The following AK5 variants were observed in gnomAD, a reference collection of about 807,000 sequenced individuals.
The protein encoded by AK5 is adenylate kinase 5, also known as adenylate kinase isoenzyme 5.
A neutral mutation model predicts 69.5 loss-of-function variants in AK5; 27 were observed. The observed-to-expected ratio is 0.39, with a 90% CI of 0.29 to 0.54. The LOEUF is 0.54. AK5 is among the 20% of genes least tolerant of loss of function. The pLI is 0.71. For missense variants in AK5, 531 were observed against 700.4 expected (o/e 0.76, Z 2.73); for synonymous variants, 260 against 244.4 (o/e 1.06, Z -0.60).
chr1:77,490,934 G>T (rs1374803352), intron 10 of AK5, among the ~76,000 whole-genome samples: 3 of 152,068 alleles, frequency 2.0e-5, no homozygotes, highest in Non-Finnish European at 2.9e-5. Context: ...AGCTTGGGTA[G>T]AAGTGCTCCA....
intron 6 of AK5, among the ~76,000 whole-genome samples, chr1:77,385,843 A>G (rs1286454533): frequency 6.6e-6 from 1 of 152,220 alleles, no homozygotes; most frequent in Non-Finnish European, 1.5e-5. Flanking sequence ...GATCACAACC[A>G]TAGGAGGTGA....
At chr1:77,453,030 T>C (rs1018992637) in intron 8 of AK5, among the ~76,000 whole-genome samples, 2 of 152,202 alleles carry the variant, frequency 1.3e-5, no homozygotes, top group Non-Finnish European at 2.9e-5. Context: ...ATAACAAACA[T>C]CATTTATCCA....
At chr1:77,483,949 G>T (rs1403344786) in intron 9 of AK5, among the ~76,000 whole-genome samples, 1 of 152,108 alleles carries the variant, frequency 6.6e-6, no homozygotes, top group Admixed American at 6.5e-5. Context: ...CGGATCACTT[G>T]AGGTCAGGAA....
At chr1:77,299,264 A>G (rs1659198015) in intron 5 of AK5, among the ~76,000 whole-genome samples, 1 of 127,094 alleles carries the variant, frequency 7.9e-6, no homozygotes. Context: ...GGCCATGTGT[A>G]TTTCTTCCTT....
At chr1:77,486,728 A>G (rs1655627824) in intron 10 of AK5, among the ~76,000 whole-genome samples, 1 of 151,786 alleles carries the variant, frequency 6.6e-6, no homozygotes, top group South Asian at 2.1e-4. Context: ...GTAGTGAAAG[A>G]GACTATTTAT....
intron 5 of AK5, among the ~76,000 whole-genome samples, chr1:77,317,347 G>A (rs373981737): frequency 1.6e-4 from 24 of 152,164 alleles, no homozygotes; most frequent in East Asian, 1.5e-3. Flanking sequence ...ATACAGTGTC[G>A]CTTCTATCAC....
chr1:77,445,548 G>T (rs1652695170), intron 8 of AK5, among the ~76,000 whole-genome samples: 2 of 152,020 alleles, frequency 1.3e-5, no homozygotes, highest in Non-Finnish European at 2.9e-5. Flanking sequence ...CTGACATATG[G>T]TTTGCAAATA....
At chr1:77,364,196 T>C (rs1449792961) in intron 6 of AK5, among the ~76,000 whole-genome samples, 1 of 152,190 alleles carries the variant, frequency 6.6e-6, no homozygotes, top group East Asian at 1.9e-4. Flanking sequence ...TAGAAATGTA[T>C]GGAATTAAAG....
rs545568698 is a variant in AK5, at chr1:77,284,173, T to C, written c.60+1800T>C. On this transcript the variant is annotated intron_variant, in intron 1 of 13. Coordinates refer to ENST00000354567, the MANE Select transcript of AK5 (RefSeq NM_174858.3). The stretch of plus-strand genomic sequence containing the variant: ...CTTGTGGACAATGAGAAGATGGAAG[T>C]AGACTGCTGGTGACCTCAAAGGCTA... Among the ~76,000 whole-genome samples the C allele has an allele frequency of 2.0e-5, 3 of 152,322 alleles. No individual in the cohort carries two copies. The South Asian group carries it at 6.2e-4, about 32-fold the overall frequency.
At chr1:77,429,470 T>C (rs1047780937) in intron 8 of AK5, among the ~76,000 whole-genome samples, 1 of 152,228 alleles carries the variant, frequency 6.6e-6, no homozygotes, top group Non-Finnish European at 1.5e-5. Flanking sequence ...GTAAATTCAA[T>C]GTGCCAGACT....
At chr1:77,434,509 TG>T (rs1489308830) in intron 8 of AK5, among the ~76,000 whole-genome samples, 5 of 152,176 alleles carry the variant, frequency 3.3e-5, no homozygotes, top group African/African-American at 1.2e-4. Context: ...TTTCAAAAAC[TG>T]TCAAGAGGCT....
At chr1:77,433,114 C>T (rs1477939187) in intron 8 of AK5, among the ~76,000 whole-genome samples, 1 of 152,108 alleles carries the variant, frequency 6.6e-6, no homozygotes, top group Non-Finnish European at 1.5e-5. Flanking sequence ...AAGCACAGAG[C>T]AGTTTTTGCT....
At chr1:77,294,372 A>G (rs1432637321) in intron 3 of AK5, among the ~76,000 whole-genome samples, 1 of 149,002 alleles carries the variant, frequency 6.7e-6, no homozygotes, top group African/African-American at 2.5e-5. Context: ...TGAACCCAGG[A>G]GTCCAGCCTG....
chr1:77,295,179 A>C (rs978707509), intron 3 of AK5, among the ~76,000 whole-genome samples: 3 of 152,328 alleles, frequency 2.0e-5, no homozygotes, highest in African/African-American at 7.2e-5. Flanking sequence ...CTGGCATGAA[A>C]TATTCAAAGC....
chr1:77,500,691 A>G (rs1423833042), intron 10 of AK5, among the ~76,000 whole-genome samples: 1 of 152,114 alleles, frequency 6.6e-6, no homozygotes, highest in Admixed American at 6.6e-5. Context: ...CTGAGGCAGG[A>G]GAAACTCTTG....
At position 77,297,618 on chromosome 1, in the gene AK5, C is replaced by T. The variant is rs1659088293; in HGVS notation, c.475C>T (p.Gln159Ter). ...SLKIAERYGFQYISVGELLRK... is the reference protein window; with the variant it reads ...SLKIAERYGF ...GAAAATTGCAGAACGATATGGATTC[C>T]AATACATTTCTGTGGGAGAATTATT... The change falls in exon 4 of 14, where the codon CAA (glutamine) becomes TAA (stop). Residue 159 changes from glutamine to a stop codon, truncating the protein, a stop_gained. Coordinates refer to ENST00000354567, the MANE Select transcript of AK5 (RefSeq NM_174858.3). LOFTEE classifies it high-confidence loss of function. 1 of 1,613,566 alleles carries T rather than the reference C, an allele frequency of 6.2e-7. No homozygotes were observed. Among genetic ancestry groups the T allele is most frequent in the African/African-American group, 1.3e-5 (1 of 74,872 alleles).
intron 10 of AK5, among the ~76,000 whole-genome samples, chr1:77,491,946 T>C (rs1225394087): frequency 6.6e-6 from 1 of 152,218 alleles, no homozygotes; most frequent in Non-Finnish European, 1.5e-5. Context: ...CTGCCTGTTG[T>C]TTTTGTTTTT....
At chr1:77,282,421 T>G (rs1658111317) in intron 1 of AK5, 48 bp downstream of exon 1, 3 of 1,525,256 alleles carry the variant, frequency 2.0e-6, no homozygotes, top group Non-Finnish European at 2.6e-6. Flanking sequence ...GGACTGCATC[T>G]CAGGGGTTCG....
intron 6 of AK5, among the ~76,000 whole-genome samples, chr1:77,365,965 G>A (rs1353930382): frequency 6.6e-6 from 1 of 152,014 alleles, no homozygotes; most frequent in Non-Finnish European, 1.5e-5. Flanking sequence ...CACTGCTTGG[G>A]CAATGGGTGC....
Sources: gnomAD v4.1 joint callset for allele counts (sites outside exome capture counted in the v4.1 genomes callset) on GRCh38, gnomAD v4.1.1 for gene constraint, MANE v1.5 for transcripts, NCBI Gene and HGNC (gene_info 2026-07-23, HGNC 2026-07-21) for gene names.